Variants in GLUD1 observed in about 807,000 individuals in gnomAD.
GLUD1 encodes glutamate dehydrogenase 1, mitochondrial.
Under a neutral mutation model 56.0 loss-of-function variants are expected in GLUD1, and 22 were observed. That is an observed-to-expected ratio of 0.39 (90% CI 0.28 to 0.56). The LOEUF is 0.56. Among genes scored for constraint, GLUD1 ranks in the 20% least tolerant of loss-of-function variants. GLUD1 has a pLI of 0.58. For missense variants in GLUD1, 451 were observed against 732.0 expected, an observed-to-expected ratio of 0.62 and a Z score of 4.43; for synonymous variants, 223 against 269.9, an observed-to-expected ratio of 0.83 and a Z score of 1.70.
At chr10:87,086,188 G>C (rs540249832) in intron 1 of GLUD1, among the ~76,000 whole-genome samples, 2 of 152,298 alleles carry the variant, frequency 1.3e-5, no homozygotes, top group East Asian at 3.9e-4. Context: ...ATGGAGAGAA[G>C]TACGTGCCTG....
At chr10:87,073,254 C>T (rs1199813879) in intron 4 of GLUD1, among the ~76,000 whole-genome samples, 4 of 152,152 alleles carry the variant, frequency 2.6e-5, no homozygotes, top group Admixed American at 2.6e-4. Flanking sequence ...CCTCAACCCC[C>T]CAGGCTTAAG....
intron 1 of GLUD1, chr10:87,092,595 CG>C: frequency 1.0e-6 from 1 of 972,646 alleles, no homozygotes; most frequent in Non-Finnish European, 1.2e-6. Context: ...CTATGGTAAA[CG>C]AGTTGCTTCA....
chr10:87,062,866 T>A, intron 5 of GLUD1, 31 bp from the exon 6 acceptor site: 1 of 1,594,044 alleles, frequency 6.3e-7, no homozygotes, highest in South Asian at 1.1e-5. Flanking sequence ...AAGAATGAAA[T>A]GTCAAGTCCA....
Position 87,060,828 on chromosome 10 carries a change from G to A in GLUD1, c.1060-3C>T, listed in dbSNP as rs759327835. ...AAGCCCAGAATGGACCCATGTTGCT[G>A]CCATTGATTGAAAATCACAATTAAT... On this transcript the variant is annotated splice_region_variant and splice_polypyrimidine_tract_variant and intron_variant, in intron 7 of 12. Transcript: ENST00000277865. 2.7e-5 allele frequency: 44 copies of A among 1,614,008 alleles called. No individual in the cohort carries two copies. Among genetic ancestry groups the A allele is most frequent in the Non-Finnish European group, 3.6e-5 (43 of 1,180,028 alleles).
rs1383585741 is a variant in GLUD1 at position 87,062,843 on chromosome 10, A to G, written c.742-8T>C. The G allele has an allele frequency of 6.2e-7, 1 of 1,612,942 alleles. No individual in the cohort carries two copies. Among genetic ancestry groups the G allele is most frequent in the Non-Finnish European group, 8.5e-7 (1 of 1,178,954 alleles). On this transcript the variant is annotated splice_polypyrimidine_tract_variant and splice_region_variant and intron_variant, in intron 5 of 12. Transcript: ENST00000277865. ...GGCGTGTGCATTAATATCCTGTAAG[A>G]GGGGGTAATTGAAAGAATGAAATGT... is the stretch of plus-strand genomic sequence containing the variant.
chr10:87,079,448 GAAAA>G (rs1196142484), intron 1 of GLUD1, among the ~76,000 whole-genome samples: 2 of 148,884 alleles, frequency 1.3e-5, no homozygotes, highest in Non-Finnish European at 3.0e-5. Flanking sequence ...AAAAAAAAAA[GAAAA>G]AAGAAAAAAA....
At chr10:87,057,822 A>T in intron 10 of GLUD1, 40 bp from the exon 11 acceptor site, 1 of 131,556 alleles carries the variant, frequency 7.6e-6, no homozygotes, top group Non-Finnish European at 1.2e-5. Context: ...TTGCTAACAG[A>T]AAAAAAAAAA....
At chr10:87,065,942 C>T (rs2133807166) in intron 5 of GLUD1, among the ~76,000 whole-genome samples, 1 of 152,156 alleles carries the variant, frequency 6.6e-6, no homozygotes, top group Non-Finnish European at 1.5e-5. Flanking sequence ...TTCCCAGCCA[C>T]AGCATGACAT....
In GLUD1 at chr10:87,076,043, G is replaced by C. The variant is rs370193429; in HGVS notation, c.527-20C>G. The C allele has an allele frequency of 6.4e-7, 1 of 1,565,876 alleles. No homozygotes were observed. Among genetic ancestry groups the C allele is most frequent in the Non-Finnish European group, 8.7e-7 (1 of 1,144,946 alleles). On this transcript the variant is annotated intron_variant, in intron 2 of 12. Transcript: ENST00000277865. ...GCACATCTGAAAGAGAAGGCTGATG[G>C]TTGCTATTCCATATAAATGTTAAAA...
Position 87,068,096 on chromosome 10 carries a change from G to A in GLUD1, c.708C>T (p.Ile236=), listed in dbSNP as rs770790419. Residue 236 remains isoleucine, a synonymous_variant, in exon 5 of 13, where the codon ATC becomes ATT. Transcript: ENST00000277865. ...CTATGGTGCTGGCATAGGTATCAGC[G>A]ATCCAGGACATCTCCCGCTCACCTG... The part of the protein sequence containing the change: ...MSTGEREMSW[I]ADTYASTIGH... The A allele has an allele frequency of 2.9e-5, 46 of 1,612,706 alleles. 2 individuals carry two copies. In the Middle Eastern group the frequency reaches 6.6e-4, roughly 23 times the overall value.
chr10:87,063,064 T>TG (rs879801236), intron 5 of GLUD1, among the ~76,000 whole-genome samples: 2,028 of 134,706 alleles, frequency 0.015, 30 homozygotes, highest in Non-Finnish European at 0.025. Flanking sequence ...TCTGTTTTTT[T>TG]TTTTGTTTGT....
At chr10:87,056,841 C>T (rs1387966385) in intron 11 of GLUD1, among the ~76,000 whole-genome samples, 1 of 151,584 alleles carries the variant, frequency 6.6e-6, no homozygotes, top group African/African-American at 2.4e-5. Flanking sequence ...AAAAAAAAAA[C>T]TCTTTTTCAA....
Position 87,059,262 on chromosome 10 carries a change from C to A in GLUD1, c.1290G>T (p.Leu430Phe). The A allele has an allele frequency of 6.2e-7, 1 of 1,613,664 alleles. No individual in the cohort carries two copies. Among genetic ancestry groups the A allele is most frequent in the Non-Finnish European group, 8.5e-7 (1 of 1,179,640 alleles). The change falls in exon 10 of 13, where the codon TTG becomes TTT. Residue 430 changes from leucine to phenylalanine, a missense_variant. Physicochemically the swap from Leu to Phe is conservative, Grantham distance 22 (BLOSUM62 0). Around this residue, in one of 4 missense-constraint regions of GLUD1, gnomAD observed 248 missense variants for 460.0 expected, o/e 0.54. Coordinates refer to ENST00000277865, the MANE Select transcript of GLUD1 (RefSeq NM_005271.5). ...RNIMVIPDLY[L>F]NAGGVTVSYF... is the part of the protein sequence containing the mutation. ...AAGATACTGTCACTCCTCCAGCATT[C>A]AAGTAGAGATCCTATGCACAAAAAT...
At chr10:87,090,642 G>A (rs749367417) in intron 1 of GLUD1, among the ~76,000 whole-genome samples, 3 of 152,106 alleles carry the variant, frequency 2.0e-5, no homozygotes, top group Admixed American at 6.6e-5. Flanking sequence ...CAACAACCTC[G>A]GGGCTAAGTG....
intron 10 of GLUD1, among the ~76,000 whole-genome samples, chr10:87,058,721 T>A (rs1024148261): frequency 2.0e-5 from 3 of 152,086 alleles, no homozygotes; most frequent in Non-Finnish European, 4.4e-5. Flanking sequence ...TGAAACCCCG[T>A]CTCTATTAAA....
chr10:87,093,982 C>T (rs890040279), intron 1 of GLUD1: 8 of 1,426,082 alleles, frequency 5.6e-6, no homozygotes, highest in Middle Eastern at 1.8e-4. Flanking sequence ...AGGTCATTCC[C>T]TTTCCTAGAA....
chr10:87,086,926 C>G (rs1050156516), intron 1 of GLUD1, among the ~76,000 whole-genome samples: 4 of 151,902 alleles, frequency 2.6e-5, no homozygotes, highest in Non-Finnish European at 4.4e-5. Flanking sequence ...TTCTCCAGTT[C>G]TCTGCAGATA....
intron 6 of GLUD1, among the ~76,000 whole-genome samples, chr10:87,061,943 C>A (rs1475113907): frequency 6.6e-6 from 1 of 152,180 alleles, no homozygotes; most frequent in Non-Finnish European, 1.5e-5. Context: ...ACCACCACAC[C>A]CTGCTAATTT....
chr10:87,062,075 C>T (rs1316587934), intron 6 of GLUD1, among the ~76,000 whole-genome samples: 2 of 152,064 alleles, frequency 1.3e-5, no homozygotes, highest in African/African-American at 4.8e-5. Flanking sequence ...AGCCACCACG[C>T]CCGGCTTAAT....
Sources: allele counts gnomAD v4.1 joint callset (sites outside exome capture counted in the v4.1 genomes callset), GRCh38; gene constraint gnomAD v4.1.1; regional missense constraint gnomAD v4.1.1; transcripts MANE v1.5; gene names NCBI Gene and HGNC (gene_info 2026-07-23, HGNC 2026-07-21).